MLF1: variants seen among roughly 807,000 people sequenced by gnomAD.
MLF1 encodes myeloid leukemia factor 1, also known as myelodysplasia-myeloid leukemia factor 1.
Under a neutral mutation model 38.3 loss-of-function variants are expected in MLF1, and 37 were observed. That is an observed-to-expected ratio of 0.96 (90% CI 0.74 to 1.27). The LOEUF is 1.27. Among genes scored for constraint, MLF1 ranks in the 50% most tolerant of loss-of-function variants. The probability of loss-of-function intolerance (pLI) is 0.00; values close to 1 mark genes in which losing one functional copy is unlikely to be tolerated. For synonymous variants in MLF1, 95 were observed against 106.5 expected, an observed-to-expected ratio of 0.89 and a Z score of 0.66; for missense variants, 331 against 349.2, an observed-to-expected ratio of 0.95 and a Z score of 0.42.
Position 158,603,596 on chromosome 3 carries a change from C to T in MLF1, c.746+657C>T, listed in dbSNP as rs149561083. ...CTCATACCTGTAATCCCAGCACTTC[C>T]GGAGGCCGAGGCAGGTGGATCAGTT... On this transcript the variant is annotated intron_variant, in intron 7 of 7. Coordinates refer to ENST00000466246, the MANE Select transcript of MLF1 (RefSeq NM_001369783.1). Among the ~76,000 whole-genome samples the T allele has an allele frequency of 7.5e-3, 1,143 of 152,082 alleles. 20 individuals are homozygous for T. The highest frequency in any genetic ancestry group is 0.027 in the African/African-American group (1,103 of 41,488).
chr3:158,573,482 T>A (rs1714897591), intron 1 of MLF1: 1 of 151,098 alleles, frequency 6.6e-6, no homozygotes, highest in Non-Finnish European at 1.5e-5. Context: ...TGAAGTAATG[T>A]GATGCCCTAG....
At position 158,598,013 on chromosome 3, in the gene MLF1, A is replaced by G; in HGVS notation, c.325-67A>G. ...GAACTTACAGCTAGTGTTGTTACTT[A>G]TTTGAACTCTCTGGCAATAATTATT... is the stretch of plus-strand genomic sequence containing the variant. On this transcript the variant is annotated intron_variant, in intron 4 of 7. Transcript: ENST00000466246. 4 of 1,536,882 alleles carry G rather than the reference A, an allele frequency of 2.6e-6. No individual in the cohort carries two copies. In the African/African-American group the frequency reaches 4.1e-5, roughly 16 times the overall value.
At chr3:158,584,013 A>G (rs1022908995) in intron 1 of MLF1, among the ~76,000 whole-genome samples, 1 of 152,258 alleles carries the variant, frequency 6.6e-6, no homozygotes, top group Admixed American at 6.5e-5. Flanking sequence ...GACCAAAAGC[A>G]GATATATGCT....
intron 3 of MLF1, among the ~76,000 whole-genome samples, chr3:158,594,282 G>A (rs1409345180): frequency 5.2e-4 from 79 of 152,162 alleles, no homozygotes; most frequent in Non-Finnish European, 1.0e-4. Context: ...TGAACTTTAA[G>A]GATTAGTAGA....
At chr3:158,589,710 A>G (rs559112485) in intron 1 of MLF1, among the ~76,000 whole-genome samples, 3 of 152,226 alleles carry the variant, frequency 2.0e-5, no homozygotes, top group Non-Finnish European at 4.4e-5. Context: ...TTAGAGACTT[A>G]AAACAACAAA....
At chr3:158,582,869 C>A in intron 1 of MLF1, 1 of 689,300 alleles carries the variant, frequency 1.5e-6, no homozygotes, top group Non-Finnish European at 2.6e-6. Context: ...GAAGGAAAAT[C>A]ATACAAGTCA....
chr3:158,580,651 A>G (rs1337897318), intron 1 of MLF1, among the ~76,000 whole-genome samples: 2 of 152,028 alleles, frequency 1.3e-5, no homozygotes, highest in Non-Finnish European at 2.9e-5. Context: ...TCATACTAAA[A>G]ATCCTACAAG....
At chr3:158,584,658 AGTGTGTGTGTGTGTGT>A (rs56885799) in intron 1 of MLF1, among the ~76,000 whole-genome samples, 1 of 134,282 alleles carries the variant, frequency 7.4e-6, no homozygotes, top group African/African-American at 2.8e-5. Flanking sequence ...CCATAAAGAA[AGTGTGTGTGTGTGTGT>A]GTGTGTGTGT....
intron 1 of MLF1, among the ~76,000 whole-genome samples, chr3:158,580,983 AC>A (rs1716252875): frequency 6.6e-6 from 1 of 152,108 alleles, no homozygotes; most frequent in Non-Finnish European, 1.5e-5. Context: ...GCTTAAGGTT[AC>A]CACTTCACGC....
At position 158,578,380 on chromosome 3, in the gene MLF1, A is replaced by AGTGTGTGTGTGTGT. The variant is rs113149645; in HGVS notation, c.47+7042_47+7055dup. Reference sequence around the variant, plus strand: ...AAAGAAGTGTAACTTAGGCAAAATAAGTGTGTGTGTGTGTGTGTGTGTACA... The same window carrying AGTGTGTGTGTGTGT: ...AAAGAAGTGTAACTTAGGCAAAATAAGTGTGTGTGTGTGTGTGTGTGTGTGTGTGTGTGTGTACA... On this transcript the variant is annotated intron_variant, in intron 1 of 7. Coordinates refer to ENST00000466246, the MANE Select transcript of MLF1 (RefSeq NM_001369783.1). Among the ~76,000 whole-genome samples, 878 of 149,476 alleles carry AGTGTGTGTGTGTGT rather than the reference A, an allele frequency of 5.9e-3. 6 individuals are homozygous for AGTGTGTGTGTGTGT. Among genetic ancestry groups the AGTGTGTGTGTGTGT allele is most frequent in the African/African-American group, 0.02 (807 of 40,954 alleles).
intron 1 of MLF1, among the ~76,000 whole-genome samples, chr3:158,587,381 C>T (rs925784743): frequency 1.3e-5 from 2 of 152,272 alleles, no homozygotes; most frequent in African/African-American, 2.4e-5. Flanking sequence ...GAGACCAGAG[C>T]GTAGGTAACC....
intron 3 of MLF1, among the ~76,000 whole-genome samples, chr3:158,595,905 G>A (rs995967868): frequency 6.6e-6 from 1 of 152,124 alleles, no homozygotes; most frequent in Non-Finnish European, 1.5e-5. Context: ...ATTGGAATGT[G>A]TGCCTGACTT....
At chr3:158,579,555 C>T (rs1306097459) in intron 1 of MLF1, among the ~76,000 whole-genome samples, 1 of 152,092 alleles carries the variant, frequency 6.6e-6, no homozygotes, top group Non-Finnish European at 1.5e-5. Flanking sequence ...TTCAAATAAA[C>T]ATTTAAATAT....
chr3:158,602,611 T>C (rs1719957124), intron 6 of MLF1, among the ~76,000 whole-genome samples, 196 bp from the exon 7 acceptor site: 1 of 152,144 alleles, frequency 6.6e-6, no homozygotes, highest in East Asian at 1.9e-4. Flanking sequence ...AGATCATCAG[T>C]AGGAATAGGA....
intron 1 of MLF1, among the ~76,000 whole-genome samples, chr3:158,572,119 G>A (rs1369747195): frequency 6.4e-5 from 8 of 125,920 alleles, no homozygotes; most frequent in African/African-American, 2.5e-4. Flanking sequence ...GAGGTGTGGG[G>A]GAGAGTTGAA....
chr3:158,599,135 C>T (rs918965587), intron 5 of MLF1, among the ~76,000 whole-genome samples: 10 of 152,026 alleles, frequency 6.6e-5, no homozygotes, highest in Non-Finnish European at 1.5e-4. Context: ...ATGAATGTAC[C>T]ATGATTTTTA....
rs78816147 is a variant in MLF1 at position 158,600,160 on chromosome 3, C to T, written c.600C>T (p.Ile200=). 3,931 of 1,436,750 alleles carry T rather than the reference C, an allele frequency of 2.7e-3. 86 individuals are homozygous for T. In the African/African-American group the frequency reaches 0.052, roughly 19 times the overall value. The allele number at this position is 1,436,750 out of a possible 1,614,324, so 89.0% of individuals were successfully genotyped here. The change falls in exon 6 of 8, where the codon ATC becomes ATT. Residue 200 remains isoleucine (I), a synonymous_variant. Transcript: ENST00000466246. ...TGDEEVNQEF[I]NMNESDAHAF... Reference sequence around the variant, plus strand: ...ATGAAGAGGTCAACCAGGAGTTCATCAATATGAATGAAAGTAAGTTATCAC... The same window carrying T: ...ATGAAGAGGTCAACCAGGAGTTCATTAATATGAATGAAAGTAAGTTATCAC...
At chr3:158,590,292 CCACTCA>C (rs1331881898) in intron 1 of MLF1, among the ~76,000 whole-genome samples, 5 of 152,116 alleles carry the variant, frequency 3.3e-5, no homozygotes, top group African/African-American at 1.2e-4. Context: ...TATGACCCTA[CCACTCA>C]AATGGCTACA....
chr3:158,596,493 T>G (rs549196818), intron 3 of MLF1, among the ~76,000 whole-genome samples: 1 of 152,302 alleles, frequency 6.6e-6, no homozygotes, highest in Admixed American at 6.5e-5. Flanking sequence ...AGGAAAATTA[T>G]GAAAACTATC....
Sources: gnomAD v4.1 joint callset for allele counts (sites outside exome capture counted in the v4.1 genomes callset) on GRCh38, gnomAD v4.1.1 for gene constraint, MANE v1.5 for transcripts, NCBI Gene and HGNC (gene_info 2026-07-23, HGNC 2026-07-21) for gene names.